CTNND2: variants seen among roughly 807,000 people sequenced by gnomAD.
The protein encoded by CTNND2 is catenin delta 2, also known as catenin delta-2.
A neutral mutation model predicts 144.4 loss-of-function variants in CTNND2; 22 were observed. The observed-to-expected ratio is 0.15, with a 90% CI of 0.11 to 0.22. The LOEUF (loss-of-function observed/expected upper bound fraction) is 0.22, where lower values mean the gene tolerates loss of function less well. Ranked by LOEUF, CTNND2 falls within the 10% of genes least tolerant of loss-of-function variation. The pLI, the probability that CTNND2 is intolerant of heterozygous loss-of-function variation, is 1.00. For missense variants in CTNND2, 1,353 were observed against 1,618.8 expected (o/e 0.84, Z 2.82); for synonymous variants, 751 against 695.6 (o/e 1.08, Z -1.25).
At chr5:11,327,593 G>A (rs1196831948) in intron 9 of CTNND2, among the ~76,000 whole-genome samples, 1 of 152,194 alleles carries the variant, frequency 6.6e-6, no homozygotes, top group African/African-American at 2.4e-5. Context: ...TTAAGGTCAA[G>A]TGATCCTGGG....
At chr5:11,559,519 C>T (rs1406904596) in intron 3 of CTNND2, among the ~76,000 whole-genome samples, 1 of 152,114 alleles carries the variant, frequency 6.6e-6, no homozygotes, top group Admixed American at 6.6e-5. Context: ...TCTTCTATAC[C>T]TAGGTCTTAC....
chr5:11,085,953 T>C (rs1580243455), intron 15 of CTNND2, among the ~76,000 whole-genome samples: 1 of 152,076 alleles, frequency 6.6e-6, no homozygotes, highest in Admixed American at 6.5e-5. Flanking sequence ...CATCCCAGAA[T>C]GGCAGCCACA....
chr5:11,086,118 G>A lies in CTNND2; in HGVS notation c.2638-3272C>T, dbSNP rs998314566. On this transcript the variant is annotated intron_variant, in intron 15 of 21. Coordinates refer to ENST00000304623, the MANE Select transcript of CTNND2 (RefSeq NM_001332.4). ...GAAACGAAGGACCCAGGGCTGCAGA[G>A]GGGTTACTTGGCCAGAAGGGAGGAG... 3.3e-5 allele frequency among the ~76,000 whole-genome samples: 5 copies of A among 152,302 alleles called. No homozygotes were observed. In the East Asian group the frequency reaches 9.7e-4, roughly 29 times the overall value.
chr5:11,334,685 T>A (rs1283320785), intron 9 of CTNND2, among the ~76,000 whole-genome samples: 3 of 152,164 alleles, frequency 2.0e-5, no homozygotes, highest in Non-Finnish European at 4.4e-5. Flanking sequence ...CCCTAGGGTC[T>A]CACTGTAGCA....
intron 3 of CTNND2, among the ~76,000 whole-genome samples, chr5:11,456,528 T>A (rs183269474): frequency 7.2e-5 from 11 of 152,272 alleles, no homozygotes; most frequent in Non-Finnish European, 1.6e-4. Flanking sequence ...GTGTCCTCAG[T>A]TGCACACATC....
chr5:11,398,420 A>G (rs61749779), intron 5 of CTNND2, among the ~76,000 whole-genome samples: 2,914 of 152,296 alleles, frequency 0.019, 87 homozygotes, highest in East Asian at 0.12. Context: ...TTTGGCACTT[A>G]AAGCCTTCCC....
chr5:11,439,740 ATAT>A (rs1764080534), intron 3 of CTNND2, among the ~76,000 whole-genome samples: 2 of 146,194 alleles, frequency 1.4e-5, no homozygotes, highest in East Asian at 2.0e-4. Context: ...TCTGCTAGCT[ATAT>A]CTATCTATCT....
intron 14 of CTNND2, among the ~76,000 whole-genome samples, chr5:11,099,233 A>G (rs2905996): frequency 1.3e-5 from 2 of 152,214 alleles, no homozygotes; most frequent in African/African-American, 4.8e-5. Flanking sequence ...CATGTATACA[A>G]ATTGGGTTCT....
At chr5:11,295,390 G>A (rs1289688680) in intron 9 of CTNND2, among the ~76,000 whole-genome samples, 5 of 152,094 alleles carry the variant, frequency 3.3e-5, no homozygotes, top group African/African-American at 9.7e-5. Context: ...TCAATATCGT[G>A]AAAATGGCCA....
chr5:11,206,202 G>A (rs1341479798), intron 10 of CTNND2, among the ~76,000 whole-genome samples: 2 of 152,202 alleles, frequency 1.3e-5, no homozygotes, highest in Admixed American at 6.5e-5. Context: ...GATTTAGGAT[G>A]TACGGTATAT....
chr5:11,808,185 A>G (rs1420926608), intron 1 of CTNND2, among the ~76,000 whole-genome samples: 4 of 152,204 alleles, frequency 2.6e-5, no homozygotes, highest in South Asian at 2.1e-4. Context: ...AACATCACAG[A>G]TTTAAACCAT....
intron 2 of CTNND2, among the ~76,000 whole-genome samples, chr5:11,643,384 C>G (rs1581656521): frequency 9.6e-6 from 1 of 103,682 alleles, no homozygotes; most frequent in East Asian, 4.0e-4. Context: ...ATCCCTCCCC[C>G]CTCCCCCCAC....
At chr5:11,529,330 T>C (rs1773535874) in intron 3 of CTNND2, among the ~76,000 whole-genome samples, 1 of 152,234 alleles carries the variant, frequency 6.6e-6, no homozygotes. Flanking sequence ...TAATTTCAGT[T>C]AAAAAATTCA....
chr5:11,159,747 T>C lies in CTNND2; in HGVS notation c.1988A>G (p.Asn663Ser). Residue 663 changes from asparagine to serine, a missense_variant, in exon 12 of 22, where the codon AAC (asparagine) becomes AGC (serine). Physicochemically the swap from Asn to Ser is conservative, Grantham distance 46. Around this residue, in one of 4 missense-constraint regions of CTNND2, gnomAD observed 117 missense variants for 117.8 expected, o/e 0.99. Transcript: ENST00000304623. ...TTTGAGTGCATCGCATGAGGAGAGG[T>C]TCCAAAGGACTCCTGCAAGAGACAC... ...IRELVTGVLW[N>S]LSSCDALKMP... 1 of 1,593,544 alleles carries C rather than the reference T, an allele frequency of 6.3e-7. No individual in the cohort carries two copies. The highest frequency in any genetic ancestry group is 1.1e-5 in the South Asian group (1 of 88,034).
intron 2 of CTNND2, among the ~76,000 whole-genome samples, chr5:11,715,458 G>C (rs1786299863): frequency 6.6e-6 from 1 of 152,186 alleles, no homozygotes. Context: ...TCCAGCAGTT[G>C]ACTTAACTGT....
chr5:11,802,397 G>C (rs542622745), intron 1 of CTNND2, among the ~76,000 whole-genome samples: 1 of 150,628 alleles, frequency 6.6e-6, no homozygotes, highest in African/African-American at 2.4e-5. Context: ...GAGAAACCCC[G>C]TCCCTACTAA....
intron 3 of CTNND2, among the ~76,000 whole-genome samples, chr5:11,478,692 T>G (rs1381016946): frequency 6.6e-6 from 1 of 152,236 alleles, no homozygotes; most frequent in Non-Finnish European, 1.5e-5. Context: ...TTATGCATTT[T>G]ATTTCAGTCT....
At chr5:11,019,639 C>T (rs1475167304) in intron 17 of CTNND2, among the ~76,000 whole-genome samples, 1 of 152,146 alleles carries the variant, frequency 6.6e-6, no homozygotes, top group Non-Finnish European at 1.5e-5. Context: ...TTGATGCATT[C>T]ACTAGATGGA....
intron 2 of CTNND2, among the ~76,000 whole-genome samples, chr5:11,706,920 C>T: frequency 6.6e-6 from 1 of 151,878 alleles, no homozygotes; most frequent in East Asian, 1.9e-4. Flanking sequence ...CCCATCTCTA[C>T]TAAAAAATAT....
Sources: gnomAD v4.1 joint callset for allele counts (sites outside exome capture counted in the v4.1 genomes callset) on GRCh38, gnomAD v4.1.1 for gene constraint, gnomAD v4.1.1 regional missense constraint, MANE v1.5 for transcripts, NCBI Gene and HGNC (gene_info 2026-07-23, HGNC 2026-07-21) for gene names.